The following SYNJ1 variants were observed in gnomAD, a reference collection of about 807,000 sequenced individuals.
SYNJ1 encodes polyphosphatidylinositol phosphatase SYNJ1.
Under a neutral mutation model 168.2 loss-of-function variants are expected in SYNJ1, and 78 were observed. The observed-to-expected ratio is 0.46, with a 90% CI of 0.39 to 0.56. SYNJ1 has a LOEUF of 0.56. Among genes scored for constraint, SYNJ1 ranks in the 20% least tolerant of loss-of-function variants. The probability of loss-of-function intolerance (pLI) is 0.00; values close to 1 mark genes in which losing one functional copy is unlikely to be tolerated. For missense variants in SYNJ1, 1,303 were observed against 1,597.6 expected, an observed-to-expected ratio of 0.82 and a Z score of 3.14; for synonymous variants, 539 against 548.6, an observed-to-expected ratio of 0.98 and a Z score of 0.24.
At chr21:32,643,884 T>A (rs1037591117) in intron 26 of SYNJ1, among the ~76,000 whole-genome samples, 2 of 152,214 alleles carry the variant, frequency 1.3e-5, no homozygotes, top group African/African-American at 4.8e-5. Context: ...GCATTAATTT[T>A]AAAAACTCTA....
chr21:32,709,968 G>A (rs2042768036), intron 2 of SYNJ1, among the ~76,000 whole-genome samples: 1 of 152,036 alleles, frequency 6.6e-6, no homozygotes, highest in Non-Finnish European at 1.5e-5. Flanking sequence ...GGAGGCCAAG[G>A]TGGGAGGATC....
At chr21:32,679,872 G>A (rs1043637489) in intron 11 of SYNJ1, among the ~76,000 whole-genome samples, 5 of 152,014 alleles carry the variant, frequency 3.3e-5, no homozygotes, top group Non-Finnish European at 5.9e-5. Flanking sequence ...AAAAGAAAGA[G>A]CAGTTCAGAT....
upstream of SYNJ1, chr21:32,728,291 G>A: frequency 2.2e-6 from 1 of 461,510 alleles, no homozygotes; most frequent in Non-Finnish European, 3.8e-6. Flanking sequence ...GAGCGTGAGC[G>A]CCGGGGAGGG....
At chr21:32,680,284 AAAG>A (rs891047293) in intron 11 of SYNJ1, among the ~76,000 whole-genome samples, 7 of 152,172 alleles carry the variant, frequency 4.6e-5, no homozygotes, top group African/African-American at 1.7e-4. Context: ...TTGGAAATTA[AAAG>A]AAGACTTGGA....
chr21:32,652,909 C>A (rs1000810104), intron 22 of SYNJ1, among the ~76,000 whole-genome samples: 3 of 152,108 alleles, frequency 2.0e-5, no homozygotes, highest in African/African-American at 7.2e-5. Flanking sequence ...ATAATGAGCA[C>A]CTCTCTCCCT....
At chr21:32,695,367 TTTAATA>T (rs1164561089) in intron 4 of SYNJ1, 85 bp from the exon 5 acceptor site, 2 of 1,230,968 alleles carry the variant, frequency 1.6e-6, no homozygotes, top group East Asian at 5.1e-5. Context: ...GGAAAATTAA[TTTAATA>T]TTATTAAATT....
At chr21:32,693,028 C>T (rs893309470) in intron 6 of SYNJ1, among the ~76,000 whole-genome samples, 12 of 151,600 alleles carry the variant, frequency 7.9e-5, no homozygotes, top group African/African-American at 2.9e-4. Flanking sequence ...GAGACCCTGT[C>T]TCAAATAAAT....
chr21:32,695,716 G>A (rs900985059), intron 4 of SYNJ1, among the ~76,000 whole-genome samples: 1 of 151,406 alleles, frequency 6.6e-6, no homozygotes, highest in African/African-American at 2.4e-5. Context: ...AGGCTGGAGT[G>A]CAGTGGCATT....
At position 32,694,144 on chromosome 21, in the gene SYNJ1, G is replaced by T. The variant is rs2146164747; in HGVS notation, c.789+84C>A. On this transcript the variant is annotated intron_variant, in intron 6 of 32. Coordinates refer to ENST00000674351, the MANE Select transcript of SYNJ1 (RefSeq NM_203446.3). ...TAGATGGAATAATGGAACCATCAAT[G>T]AATTAATTAATAAACTATCCAGAAA... 5 of 934,626 alleles carry T rather than the reference G, an allele frequency of 5.3e-6. No homozygotes were observed. In the South Asian group the frequency reaches 9.9e-5, roughly 19 times the overall value. 57.9% of individuals were successfully genotyped at this position (934,626 alleles called of 1,614,324 possible). A position where few individuals can be genotyped will look rare whatever the true frequency, so the allele number is the denominator to read the frequency against.
Position 32,727,983 on chromosome 21 carries a change from C to T in SYNJ1, c.-60G>A, listed in dbSNP as rs535611172. On this transcript the variant is annotated 5_prime_UTR_variant, in exon 1 of 33. Coordinates refer to ENST00000674351, the MANE Select transcript of SYNJ1 (RefSeq NM_203446.3). ...CTCCTCCTCCTCCTTCTCCCGCAGC[C>T]GCCGCCACAGCCGCCGGGAGCGTCA... 3.9e-6 allele frequency: 6 copies of T among 1,535,464 alleles called. No individual in the cohort carries two copies. Among genetic ancestry groups the T allele is most frequent in the Admixed American group, 2.0e-5 (1 of 50,948 alleles).
At chr21:32,661,871 C>CG (rs1424598733) in intron 18 of SYNJ1, among the ~76,000 whole-genome samples, 3 of 152,042 alleles carry the variant, frequency 2.0e-5, no homozygotes, top group African/African-American at 7.3e-5. Context: ...GTGACAGCTA[C>CG]GGGCTTTGGG....
chr21:32,677,124 C>G (rs1357736514), intron 12 of SYNJ1, among the ~76,000 whole-genome samples: 8 of 152,114 alleles, frequency 5.3e-5, no homozygotes, highest in Admixed American at 5.2e-4. Flanking sequence ...GTTGAAAGAA[C>G]AGATGTGAAT....
chr21:32,637,787 A>C (rs1345938312), intron 31 of SYNJ1, among the ~76,000 whole-genome samples: 1 of 152,132 alleles, frequency 6.6e-6, no homozygotes, highest in Non-Finnish European at 1.5e-5. Flanking sequence ...GGGAACATTT[A>C]TTTTTCTGTA....
At chr21:32,694,148 T>G (rs1025049923) in intron 6 of SYNJ1, 80 bp downstream of exon 6, 1 of 983,874 alleles carries the variant, frequency 1.0e-6, no homozygotes, top group Non-Finnish European at 1.4e-6. Context: ...ATCAATGAAT[T>G]AATTAATAAA....
intron 24 of SYNJ1, 137 bp downstream of exon 24, chr21:32,646,256 C>T (rs1299315106): frequency 1.2e-6 from 1 of 826,624 alleles, no homozygotes; most frequent in Non-Finnish European, 2.0e-6. Flanking sequence ...AGCTTATCAT[C>T]TACAAGTTTT....
chr21:32,685,163 C>G (rs532610126), intron 9 of SYNJ1, among the ~76,000 whole-genome samples: 136 of 135,094 alleles, frequency 1.0e-3, no homozygotes, highest in Non-Finnish European at 6.8e-4. Flanking sequence ...GCCTGGGCGA[C>G]AGAGCGAGAC....
At chr21:32,631,852 C>A (rs2039341215) in intron 32 of SYNJ1, 51 bp from the exon 33 acceptor site, 1 of 1,451,860 alleles carries the variant, frequency 6.9e-7, no homozygotes, top group Non-Finnish European at 9.3e-7. Context: ...ACTCTTAATA[C>A]CCCCTATTCT....
At chr21:32,688,399 A>G (rs2041906150) in intron 6 of SYNJ1, 32 bp from the exon 7 acceptor site, 1 of 1,580,330 alleles carries the variant, frequency 6.3e-7, no homozygotes, top group Admixed American at 1.7e-5. Context: ...TAATCAAACC[A>G]AAAACCAACA....
At chr21:32,683,887 T>A in intron 10 of SYNJ1, 151 bp downstream of exon 10, 4 of 594,822 alleles carry the variant, frequency 6.7e-6, no homozygotes, top group South Asian at 5.3e-5. Context: ...CAAAAGAAAG[T>A]TTGGCCAAAA....
Sources: allele counts gnomAD v4.1 joint callset (sites outside exome capture counted in the v4.1 genomes callset), GRCh38; gene constraint gnomAD v4.1.1; transcripts MANE v1.5; gene names NCBI Gene and HGNC (gene_info 2026-07-23, HGNC 2026-07-21).